Variants in NOS1AP observed in about 807,000 individuals in gnomAD.
NOS1AP encodes the protein nitric oxide synthase 1 adaptor protein, also known as carboxyl-terminal PDZ ligand of neuronal nitric oxide synthase protein.
A neutral mutation model predicts 56.2 loss-of-function variants in NOS1AP; 21 were observed. The observed-to-expected ratio is 0.37, with a 90% confidence interval of 0.26 to 0.54. NOS1AP has a LOEUF of 0.54. NOS1AP is among the 20% of genes least tolerant of loss of function. NOS1AP has a pLI of 0.84. For missense variants in NOS1AP, 522 were observed against 657.8 expected (o/e 0.79, Z 2.26); for synonymous variants, 270 against 274.6 (o/e 0.98, Z 0.17).
Position 162,367,188 on chromosome 1 carries a change from T to A in NOS1AP, c.1242T>A (p.Pro414=). The A allele has an allele frequency of 6.2e-7, 1 of 1,613,860 alleles. No individual in the cohort carries two copies. The highest frequency in any genetic ancestry group is 1.1e-5 in the South Asian group (1 of 91,088). Residue 414 remains proline, a synonymous_variant, in exon 10 of 10, where the codon CCT becomes CCA. Transcript: ENST00000361897. The surrounding 1 kb of genome is among the most constrained non-coding windows in gnomAD (Gnocchi z 6.5). The stretch of plus-strand genomic sequence containing the variant: ...CGGGCTTGGCTGACTTTGCCCACCC[T>A]GCGGGCAGCCCCTTAGGTAGGCGCG... ...LGAGLADFAH[P]AGSPLGRRDC...
intron 2 of NOS1AP, among the ~76,000 whole-genome samples, chr1:162,247,817 C>A (rs982567040): frequency 5.9e-5 from 9 of 152,258 alleles, no homozygotes; most frequent in African/African-American, 2.2e-4. Context: ...GTCTAATTGT[C>A]AGACTTGATT....
intron 2 of NOS1AP, among the ~76,000 whole-genome samples, chr1:162,263,518 C>A (rs1223278534): frequency 6.6e-6 from 1 of 152,190 alleles, no homozygotes; most frequent in African/African-American, 2.4e-5. Context: ...ACATTGCAAT[C>A]ATAGCACAAG....
intron 2 of NOS1AP, among the ~76,000 whole-genome samples, chr1:162,200,202 T>C (rs1651946863): frequency 1.3e-5 from 2 of 152,238 alleles, no homozygotes; most frequent in South Asian, 4.1e-4. Context: ...GGTACAAGCC[T>C]GGGTGAGAGC....
chr1:162,112,183 C>A (rs763151442), intron 1 of NOS1AP, among the ~76,000 whole-genome samples: 18 of 152,208 alleles, frequency 1.2e-4, no homozygotes, highest in Non-Finnish European at 2.2e-4. Flanking sequence ...GCCTCCTTGT[C>A]ATCAGCCTAC....
At chr1:162,146,167 C>A (rs568394871) in intron 1 of NOS1AP, among the ~76,000 whole-genome samples, 1 of 151,714 alleles carries the variant, frequency 6.6e-6, no homozygotes, top group Non-Finnish European at 1.5e-5. Flanking sequence ...GCCTTGCCTG[C>A]GCTAGCTAGT....
chr1:162,285,395 G>C (rs528245123), intron 2 of NOS1AP, among the ~76,000 whole-genome samples: 1 of 152,184 alleles, frequency 6.6e-6, no homozygotes, highest in Non-Finnish European at 1.5e-5. Context: ...TTGTAATGCC[G>C]GTTCTCCCAC....
At chr1:162,331,577 A>G (rs1034646349) in intron 4 of NOS1AP, among the ~76,000 whole-genome samples, 1 of 152,334 alleles carries the variant, frequency 6.6e-6, no homozygotes, top group Admixed American at 6.5e-5. Flanking sequence ...AAAGTCGTAG[A>G]TGAAGTTGTA....
At chr1:162,233,211 A>C (rs1047045232) in intron 2 of NOS1AP, among the ~76,000 whole-genome samples, 1 of 152,148 alleles carries the variant, frequency 6.6e-6, no homozygotes, top group Admixed American at 6.5e-5. Context: ...ACACTTTGAG[A>C]AGCATTGAGC....
chr1:162,083,632 T>A (rs1174151897), intron 1 of NOS1AP, among the ~76,000 whole-genome samples: 1 of 152,196 alleles, frequency 6.6e-6, no homozygotes, highest in Non-Finnish European at 1.5e-5. Flanking sequence ...CAAAATATGA[T>A]TGAAATTTTA....
chr1:162,230,195 G>A lies in NOS1AP; in HGVS notation c.178-57149G>A, dbSNP rs1365750009. On this transcript the variant is annotated intron_variant, in intron 2 of 9. Coordinates refer to ENST00000361897, the MANE Select transcript of NOS1AP (RefSeq NM_014697.3). ...CACTGGAGCACCACAGGACAGGGCT[G>A]GTAAGCAGGAAGCTGTCCACTGGGG... Among the ~76,000 whole-genome samples the A allele has an allele frequency of 2.0e-5, 3 of 152,238 alleles. 1 individual carries two copies. The highest frequency in any genetic ancestry group is 7.2e-5 in the African/African-American group (3 of 41,542).
intron 2 of NOS1AP, among the ~76,000 whole-genome samples, chr1:162,231,894 G>A (rs1571146798): frequency 6.6e-6 from 1 of 152,180 alleles, no homozygotes; most frequent in African/African-American, 2.4e-5. Context: ...CCTATGTATT[G>A]AAAAAGAAAG....
chr1:162,242,732 A>G (rs1188763947), intron 2 of NOS1AP, among the ~76,000 whole-genome samples: 1 of 152,218 alleles, frequency 6.6e-6, no homozygotes, highest in Non-Finnish European at 1.5e-5. Context: ...TCTAATCATC[A>G]GCCTCCAAGA....
chr1:162,175,179 G>T (rs1172362968), intron 2 of NOS1AP, among the ~76,000 whole-genome samples: 1 of 151,520 alleles, frequency 6.6e-6, no homozygotes, highest in East Asian at 1.9e-4. Flanking sequence ...GTTATGCATG[G>T]TCTGCACTTA....
At chr1:162,092,151 A>T (rs1054603752) in intron 1 of NOS1AP, among the ~76,000 whole-genome samples, 21 of 152,248 alleles carry the variant, frequency 1.4e-4, no homozygotes, top group African/African-American at 5.1e-4. Context: ...CTCAAACCCC[A>T]GCTTCCCTGT....
chr1:162,232,089 A>C (rs564067453), intron 2 of NOS1AP, among the ~76,000 whole-genome samples: 7 of 152,300 alleles, frequency 4.6e-5, no homozygotes, highest in African/African-American at 1.7e-4. Context: ...GGAGCTTATT[A>C]GAAGTCTAGG....
At chr1:162,120,503 T>G (rs1330201983) in intron 1 of NOS1AP, among the ~76,000 whole-genome samples, 1 of 152,136 alleles carries the variant, frequency 6.6e-6, no homozygotes, top group Non-Finnish European at 1.5e-5. Context: ...GAAACAGAGG[T>G]TTAATGGACT....
At chr1:162,104,264 G>T (rs1647412356) in intron 1 of NOS1AP, among the ~76,000 whole-genome samples, 1 of 152,226 alleles carries the variant, frequency 6.6e-6, no homozygotes, top group African/African-American at 2.4e-5. Flanking sequence ...TAGGGATTCT[G>T]CTGAGAGTTC....
At chr1:162,089,565 T>A (rs1170196964) in intron 1 of NOS1AP, among the ~76,000 whole-genome samples, 1 of 152,222 alleles carries the variant, frequency 6.6e-6, no homozygotes, top group Non-Finnish European at 1.5e-5. Flanking sequence ...TTACTTTACA[T>A]GACAAAGACT....
intron 2 of NOS1AP, among the ~76,000 whole-genome samples, chr1:162,163,209 G>A (rs1650313506): frequency 6.6e-6 from 1 of 152,002 alleles, no homozygotes; most frequent in Non-Finnish European, 1.5e-5. Flanking sequence ...TTAAACACGG[G>A]GTGTTTGCCA....
Sources: allele counts gnomAD v4.1 joint callset (sites outside exome capture counted in the v4.1 genomes callset), GRCh38; gene constraint gnomAD v4.1.1; non-coding constraint Gnocchi (gnomAD v3.1); transcripts MANE v1.5; gene names NCBI Gene and HGNC (gene_info 2026-07-23, HGNC 2026-07-21).